MLF1: variants seen among roughly 807,000 people sequenced by gnomAD.
MLF1 encodes myeloid leukemia factor 1.
A neutral mutation model predicts 38.3 loss-of-function variants in MLF1; 37 were observed. The observed-to-expected ratio is 0.96, with a 90% CI of 0.74 to 1.27. The LOEUF is 1.27. Ranked by LOEUF, MLF1 falls within the 50% of genes most tolerant of loss-of-function variation. MLF1 has a pLI of 0.00. For missense variants in MLF1, 331 were observed against 349.2 expected (o/e 0.95, Z 0.42); for synonymous variants, 95 against 106.5 (o/e 0.89, Z 0.66).
In MLF1 at chr3:158,593,387, G is replaced by T. The variant is rs779983108; in HGVS notation, c.201G>T (p.Thr67=). ...ATTGGATATTATTTTTCCAGGCAACGAGTTGTTCTCTTGTGCCTTTTGGCG... is the reference window on the plus strand; with the variant it reads ...ATTGGATATTATTTTTCCAGGCAACTAGTTGTTCTCTTGTGCCTTTTGGCG... The part of the protein sequence containing the change: ...HNDGEDSLTA[T]SCSLVPFGDF... The change falls in exon 3 of 8, where the codon ACG becomes ACT. Residue 67 remains threonine, a synonymous_variant. Coordinates refer to ENST00000466246, the MANE Select transcript of MLF1 (RefSeq NM_001369783.1). The T allele has an allele frequency of 9.6e-6, 15 of 1,555,002 alleles. No homozygotes were observed. The South Asian group carries it at 1.7e-4, about 17-fold the overall frequency.
At chr3:158,571,509 G>A (rs1006751225) in intron 1 of MLF1, 162 bp downstream of exon 1, 20 of 808,048 alleles carry the variant, frequency 2.5e-5, no homozygotes, top group Non-Finnish European at 3.3e-5. Flanking sequence ...GGAGGGAAGA[G>A]AGAGGAGGAT....
chr3:158,603,007 T>G (rs1333293387), intron 7 of MLF1, 68 bp downstream of exon 7: 1 of 1,419,354 alleles, frequency 7.0e-7, no homozygotes, highest in Non-Finnish European at 9.6e-7. Flanking sequence ...GTAATTTACT[T>G]CTGTTATCAG....
Position 158,602,668 on chromosome 3 carries a change from T to C in MLF1, c.614-139T>C, listed in dbSNP as rs1719968017. On this transcript the variant is annotated intron_variant, in intron 6 of 7. Coordinates refer to ENST00000466246, the MANE Select transcript of MLF1 (RefSeq NM_001369783.1). ...ATACTACTTTTGTCAAAGACCCTTA[T>C]ATTTGAAGCAGCTTCCTGCCTCTGT... 3 of 662,818 alleles carry C rather than the reference T, an allele frequency of 4.5e-6. No individual in the cohort carries two copies. In the South Asian group the frequency reaches 1.1e-4, roughly 24 times the overall value. The allele number at this position is 662,818 out of a possible 1,614,324, so 41.1% of individuals were successfully genotyped here. A position where few individuals can be genotyped will look rare whatever the true frequency, so the allele number is the denominator to read the frequency against.
intron 1 of MLF1, among the ~76,000 whole-genome samples, chr3:158,579,772 C>A (rs1716044773): frequency 6.6e-6 from 1 of 152,078 alleles, no homozygotes; most frequent in Admixed American, 6.5e-5. Context: ...TCATTGTAGT[C>A]AAATCACATC....
chr3:158,574,244 A>G (rs1715023151), intron 1 of MLF1, among the ~76,000 whole-genome samples: 1 of 152,192 alleles, frequency 6.6e-6, no homozygotes, highest in Non-Finnish European at 1.5e-5. Context: ...TCTGAAGATT[A>G]TTTATTAAGG....
chr3:158,600,252 ACATGT>A (rs1008778634), intron 6 of MLF1, 79 bp downstream of exon 6: 16 of 819,594 alleles, frequency 2.0e-5, no homozygotes, highest in Admixed American at 3.7e-5. Context: ...TTTTTTAGAA[ACATGT>A]CATAAGATGT....
chr3:158,591,219 G>A (rs1360273481), intron 1 of MLF1: 2 of 437,532 alleles, frequency 4.6e-6, no homozygotes, highest in Non-Finnish European at 9.0e-6. Context: ...GAGTGCAATG[G>A]TGCAATCTTG....
chr3:158,590,280 G>A (rs2108609721), intron 1 of MLF1, among the ~76,000 whole-genome samples: 1 of 152,262 alleles, frequency 6.6e-6, no homozygotes, highest in East Asian at 1.9e-4. Context: ...ACAATGAGAT[G>A]TTATGACCCT....
At chr3:158,590,236 C>T (rs1267701009) in intron 1 of MLF1, among the ~76,000 whole-genome samples, 3 of 152,224 alleles carry the variant, frequency 2.0e-5, no homozygotes, top group Non-Finnish European at 4.4e-5. Flanking sequence ...TATCAAAGAA[C>T]ATACATGAAT....
chr3:158,575,930 T>C (rs1334192892), intron 1 of MLF1, among the ~76,000 whole-genome samples: 1 of 152,114 alleles, frequency 6.6e-6, no homozygotes, highest in Non-Finnish European at 1.5e-5. Flanking sequence ...TATTCAAAAA[T>C]GGACAAAAAT....
intron 3 of MLF1, among the ~76,000 whole-genome samples, chr3:158,596,507 T>C (rs1718898931): frequency 6.6e-6 from 1 of 152,186 alleles, no homozygotes; most frequent in Non-Finnish European, 1.5e-5. Context: ...AACTATCGTA[T>C]GCTAGAGAAT....
intron 1 of MLF1, among the ~76,000 whole-genome samples, chr3:158,574,737 C>G (rs892242799): frequency 4.7e-5 from 7 of 150,444 alleles, no homozygotes; most frequent in African/African-American, 1.2e-4. Flanking sequence ...TTTGTAAAAT[C>G]CATAATTTTA....
chr3:158,605,938 C>G lies in MLF1; in HGVS notation c.*736C>G, dbSNP rs1720444025. On this transcript the variant is annotated 3_prime_UTR_variant, in exon 8 of 8. Coordinates refer to ENST00000466246, the MANE Select transcript of MLF1 (RefSeq NM_001369783.1). ...ATGTGGCATATTTCTACTCTCCTTT[C>G]CCACAAACAGCTTCATCTGTCTCCA... The G allele has an allele frequency of 5.5e-6, 1 of 182,702 alleles. No homozygotes were observed. Among genetic ancestry groups the G allele is most frequent in the Non-Finnish European group, 1.2e-5 (1 of 85,888 alleles). 11.3% of individuals were successfully genotyped at this position (182,702 alleles called of 1,614,324 possible).
chr3:158,584,722 C>T (rs9865544), intron 1 of MLF1, among the ~76,000 whole-genome samples: 2,370 of 150,390 alleles, frequency 0.016, 57 homozygotes, highest in African/African-American at 0.056. Context: ...TGTATATACC[C>T]CCCCCTACCA....
At position 158,592,597 on chromosome 3, in the gene MLF1, T is replaced by A. The variant is rs367618462; in HGVS notation, c.195+16T>A. On this transcript the variant is annotated intron_variant, in intron 2 of 7. Transcript: ENST00000466246. The stretch of plus-strand genomic sequence containing the variant: ...TTCTTTGACTGTAAGTTCTTTTTTT[T>A]AAGACAGTTAGTGAGAAGGCCCTGT... 1.3e-4 allele frequency: 200 copies of A among 1,571,066 alleles called. 1 individual carries two copies. The African/African-American group carries it at 2.5e-3, about 20-fold the overall frequency.
chr3:158,572,013 G>T (rs576004210), intron 1 of MLF1, among the ~76,000 whole-genome samples: 4 of 46,132 alleles, frequency 8.7e-5, no homozygotes, highest in African/African-American at 3.1e-4. Flanking sequence ...GGAGGGGGGA[G>T]GGTTGAGGGT....
At chr3:158,592,920 C>A (rs1718373113) in intron 2 of MLF1, among the ~76,000 whole-genome samples, 1 of 152,052 alleles carries the variant, frequency 6.6e-6, no homozygotes, top group African/African-American at 2.4e-5. Flanking sequence ...TCCTTTCTCT[C>A]CCATACTCAT....
chr3:158,586,645 G>T (rs963772862), intron 1 of MLF1, among the ~76,000 whole-genome samples: 3 of 152,158 alleles, frequency 2.0e-5, no homozygotes, highest in Non-Finnish European at 2.9e-5. Flanking sequence ...TAATGGAATT[G>T]TTTCTCACCA....
At chr3:158,572,800 C>T (rs1172085293) in intron 1 of MLF1, among the ~76,000 whole-genome samples, 34 of 100,222 alleles carry the variant, frequency 3.4e-4, no homozygotes, top group African/African-American at 1.3e-3. Context: ...GGTTTGGGGG[C>T]GTGAGGTCGC....
Sources: allele counts gnomAD v4.1 joint callset (sites outside exome capture counted in the v4.1 genomes callset), GRCh38; gene constraint gnomAD v4.1.1; transcripts MANE v1.5; gene names NCBI Gene and HGNC (gene_info 2026-07-23, HGNC 2026-07-21).